Variants in LRRTM4 observed in about 807,000 individuals in gnomAD.
LRRTM4 encodes leucine rich repeat transmembrane neuronal 4, also known as leucine-rich repeat transmembrane neuronal protein 4.
LRRTM4 carries 25 observed loss-of-function variants against 47.6 expected under a neutral mutation model. That is an observed-to-expected ratio of 0.53 (90% CI 0.38 to 0.73). The LOEUF (loss-of-function observed/expected upper bound fraction) is 0.73, where lower values mean the gene tolerates loss of function less well. Ranked by LOEUF, LRRTM4 falls within the 30% of genes least tolerant of loss-of-function variation. LRRTM4 has a pLI of 0.00. For missense variants in LRRTM4, 638 were observed against 713.4 expected, an observed-to-expected ratio of 0.89 and a Z score of 1.20; for synonymous variants, 311 against 269.5, an observed-to-expected ratio of 1.15 and a Z score of -1.51.
At chr2:77,347,200 G>A (rs1400701972) in intron 3 of LRRTM4, among the ~76,000 whole-genome samples, 2 of 152,160 alleles carry the variant, frequency 1.3e-5, no homozygotes, top group African/African-American at 4.8e-5. Flanking sequence ...CAGACTTCCC[G>A]TCACTACGGC....
intron 3 of LRRTM4, among the ~76,000 whole-genome samples, chr2:77,483,294 G>A (rs1156659005): frequency 6.6e-6 from 1 of 152,128 alleles, no homozygotes; most frequent in Admixed American, 6.5e-5. Context: ...TTATTTATCT[G>A]GAAGACAACC....
intron 3 of LRRTM4, among the ~76,000 whole-genome samples, chr2:77,507,937 A>T (rs1417317731): frequency 5.9e-5 from 9 of 152,176 alleles, no homozygotes; most frequent in Non-Finnish European, 7.3e-5. Flanking sequence ...TGACTAGTGG[A>T]TCATGGTGTC....
intron 3 of LRRTM4, among the ~76,000 whole-genome samples, chr2:77,480,822 G>GTGTGTGGAGAGAGA (rs1222517611): frequency 8.1e-5 from 6 of 74,498 alleles, no homozygotes; most frequent in Non-Finnish European, 1.4e-4. Flanking sequence ...GTGTGTGTGT[G>GTGTGTGGAGAGAGA]GAGAGAGAGA....
chr2:77,476,502 T>C (rs1558761061), intron 3 of LRRTM4, among the ~76,000 whole-genome samples: 1 of 152,132 alleles, frequency 6.6e-6, no homozygotes, highest in Non-Finnish European at 1.5e-5. Flanking sequence ...ATAACTCATA[T>C]ATCAAAAAGG....
intron 3 of LRRTM4, among the ~76,000 whole-genome samples, chr2:76,935,769 T>C (rs941791022): frequency 3.0e-4 from 46 of 152,200 alleles, no homozygotes; most frequent in Non-Finnish European, 5.9e-5. Context: ...TTTCTAAATA[T>C]ACAATCTTGT....
chr2:76,850,457 G>C (rs141845862), intron 3 of LRRTM4, among the ~76,000 whole-genome samples: 5 of 152,256 alleles, frequency 3.3e-5, no homozygotes, highest in East Asian at 1.9e-4. Context: ...ACAAAGAAAT[G>C]ATTAGTTCTG....
At chr2:77,045,276 T>C (rs1679196490) in intron 3 of LRRTM4, among the ~76,000 whole-genome samples, 1 of 151,872 alleles carries the variant, frequency 6.6e-6, no homozygotes, top group African/African-American at 2.4e-5. Flanking sequence ...CACAACAAAT[T>C]CCCAAGTGCC....
intron 3 of LRRTM4, among the ~76,000 whole-genome samples, chr2:76,967,957 T>C (rs1361483664): frequency 4.6e-5 from 7 of 151,590 alleles, no homozygotes; most frequent in Non-Finnish European, 7.4e-5. Context: ...CCCAATGCAT[T>C]ACAGTTGGTT....
intron 3 of LRRTM4, among the ~76,000 whole-genome samples, chr2:77,374,982 G>C (rs1046865761): frequency 6.6e-6 from 1 of 151,444 alleles, no homozygotes; most frequent in African/African-American, 2.4e-5. Flanking sequence ...ATTTCTTCTA[G>C]TCTTCTAAGC....
intron 3 of LRRTM4, among the ~76,000 whole-genome samples, chr2:77,063,508 G>C (rs1268357979): frequency 6.6e-6 from 1 of 152,040 alleles, no homozygotes; most frequent in African/African-American, 2.4e-5. Flanking sequence ...GAAAAATAGA[G>C]CTTTTTTTAA....
In LRRTM4 at chr2:76,784,043, A is replaced by G. The variant is rs565885920; in HGVS notation, c.1552-35127T>C. 3.3e-5 allele frequency among the ~76,000 whole-genome samples: 5 copies of G among 152,270 alleles called. No homozygotes were observed. The South Asian group carries it at 1.0e-3, about 32-fold the overall frequency. ...TTATTGTGAAAGTGAGAAAACATAAATAATTATTTTTGGAAAATTATTTTT... is the reference window on the plus strand; with the variant it reads ...TTATTGTGAAAGTGAGAAAACATAAGTAATTATTTTTGGAAAATTATTTTT... On this transcript the variant is annotated intron_variant, in intron 3 of 3. Transcript: ENST00000409884.
intron 3 of LRRTM4, among the ~76,000 whole-genome samples, chr2:77,241,064 T>C (rs1414596959): frequency 6.6e-6 from 1 of 151,910 alleles, no homozygotes; most frequent in Non-Finnish European, 1.5e-5. Context: ...TGATTCTAAA[T>C]TTGTATAAAA....
chr2:77,224,889 A>T (rs1275457908), intron 3 of LRRTM4, among the ~76,000 whole-genome samples: 1 of 152,170 alleles, frequency 6.6e-6, no homozygotes, highest in African/African-American at 2.4e-5. Flanking sequence ...ATTGTAAATC[A>T]TGCTGCTATA....
At chr2:76,786,201 C>CCTAT (rs1216846000) in intron 3 of LRRTM4, among the ~76,000 whole-genome samples, 7 of 152,068 alleles carry the variant, frequency 4.6e-5, no homozygotes, top group African/African-American at 1.2e-4. Context: ...AAGTCTCTAG[C>CCTAT]CTATCTTCCC....
intron 3 of LRRTM4, among the ~76,000 whole-genome samples, chr2:76,954,939 A>C (rs13414920): frequency 0.23 from 34,385 of 151,496 alleles, 4,653 homozygotes; most frequent in African/African-American, 0.37. Flanking sequence ...AAAACAAAAC[A>C]AAAAAACCGC....
chr2:77,238,065 T>G (rs1416505601), intron 3 of LRRTM4, among the ~76,000 whole-genome samples: 4 of 152,078 alleles, frequency 2.6e-5, no homozygotes, highest in Non-Finnish European at 5.9e-5. Flanking sequence ...AGTCTGAACA[T>G]CTAATAAACA....
chr2:76,922,775 C>T (rs142471398), intron 3 of LRRTM4, among the ~76,000 whole-genome samples: 1 of 152,120 alleles, frequency 6.6e-6, no homozygotes, highest in Admixed American at 6.6e-5. Flanking sequence ...AGTAGTCTCA[C>T]CACATATGCA....
intron 3 of LRRTM4, among the ~76,000 whole-genome samples, chr2:76,872,264 C>T (rs958731305): frequency 6.6e-6 from 1 of 151,944 alleles, no homozygotes; most frequent in Non-Finnish European, 1.5e-5. Flanking sequence ...ATCATGAAAT[C>T]CATATTAGGA....
intron 3 of LRRTM4, among the ~76,000 whole-genome samples, chr2:77,195,685 A>G (rs186857004): frequency 6.6e-6 from 1 of 152,310 alleles, no homozygotes; most frequent in African/African-American, 2.4e-5. Flanking sequence ...AAATTCTAAA[A>G]TATAAGCATT....
Sources: gnomAD v4.1 joint callset for allele counts (sites outside exome capture counted in the v4.1 genomes callset) on GRCh38, gnomAD v4.1.1 for gene constraint, MANE v1.5 for transcripts, NCBI Gene and HGNC (gene_info 2026-07-23, HGNC 2026-07-21) for gene names.